Variants in AUTS2 observed in about 807,000 individuals in gnomAD.
The protein encoded by AUTS2 is activator of transcription and developmental regulator AUTS2.
AUTS2 carries 17 observed loss-of-function variants against 112.4 expected under a neutral mutation model. The observed-to-expected ratio is 0.15, with a 90% CI of 0.10 to 0.23. The LOEUF is 0.23. AUTS2 is among the 10% of genes least tolerant of loss of function. The pLI is 1.00. For missense variants in AUTS2, 1,510 were observed against 1,701.6 expected (o/e 0.89, Z 1.98); for synonymous variants, 751 against 702.7 (o/e 1.07, Z -1.09).
At position 70,793,178 on chromosome 7, in the gene AUTS2, G is replaced by A. The variant is rs148296321; in HGVS notation, c.*2182G>A. 200 of 151,964 alleles carry A rather than the reference G, an allele frequency of 1.3e-3. No individual in the cohort carries two copies. Among genetic ancestry groups the A allele is most frequent in the African/African-American group, 4.4e-3 (184 of 41,482 alleles). The allele number at this position is 151,964 out of a possible 1,614,324, so 9.4% of individuals were successfully genotyped here. A position where few individuals can be genotyped will look rare whatever the true frequency, so the allele number is the denominator to read the frequency against. On this transcript the variant is annotated 3_prime_UTR_variant, in exon 19 of 19. Coordinates refer to ENST00000342771, the MANE Select transcript of AUTS2 (RefSeq NM_015570.4). The stretch of plus-strand genomic sequence containing the variant: ...GATTTTGTAGACGTGTGTACAGTGT[G>A]GGCCACGTTAGCCAGTTGTTTGTGC...
intron 2 of AUTS2, among the ~76,000 whole-genome samples, chr7:70,023,281 C>T (rs921709727): frequency 2.6e-5 from 4 of 152,190 alleles, no homozygotes; most frequent in Middle Eastern, 3.2e-3. Flanking sequence ...TCATTAACAA[C>T]TTTCTTTAGC....
intron 2 of AUTS2, among the ~76,000 whole-genome samples, chr7:70,004,387 A>T (rs984172796): frequency 1.6e-4 from 17 of 107,626 alleles, no homozygotes; most frequent in African/African-American, 5.5e-4. Context: ...TATATATATT[A>T]TATATATGAA....
At chr7:69,895,263 G>GA (rs1044270978) in intron 1 of AUTS2, among the ~76,000 whole-genome samples, 1 of 152,074 alleles carries the variant, frequency 6.6e-6, no homozygotes, top group Non-Finnish European at 1.5e-5. Context: ...AAGACAGTCT[G>GA]AAAAAATTAA....
intron 4 of AUTS2, among the ~76,000 whole-genome samples, chr7:70,261,491 A>G (rs535734104): frequency 2.6e-4 from 39 of 152,326 alleles, no homozygotes; most frequent in African/African-American, 8.9e-4. Context: ...ATTATACCTC[A>G]AGTATAATGA....
intron 1 of AUTS2, among the ~76,000 whole-genome samples, chr7:69,831,495 C>G (rs1157441850): frequency 6.6e-6 from 1 of 152,134 alleles, no homozygotes; most frequent in African/African-American, 2.4e-5. Context: ...TTCTTGGACT[C>G]TGGCTACTTT....
intron 5 of AUTS2, among the ~76,000 whole-genome samples, chr7:70,494,295 T>C (rs1480040494): frequency 6.6e-6 from 1 of 152,150 alleles, no homozygotes; most frequent in Non-Finnish European, 1.5e-5. Context: ...ATTTTTTTTT[T>C]CAAAACTACA....
At chr7:69,608,888 G>C (rs896964604) in intron 1 of AUTS2, among the ~76,000 whole-genome samples, 3 of 152,168 alleles carry the variant, frequency 2.0e-5, no homozygotes, top group African/African-American at 7.2e-5. Flanking sequence ...TGGTCACTAT[G>C]ATTGCTTGAC....
At chr7:70,418,075 C>CTGTGTGTGTGTG (rs34869843) in intron 4 of AUTS2, among the ~76,000 whole-genome samples, 2,155 of 136,434 alleles carry the variant, frequency 0.016, 29 homozygotes, top group Non-Finnish European at 0.024. Flanking sequence ...GGCTAACTTT[C>CTGTGTGTGTGTG]TGTGTGTGTG....
intron 4 of AUTS2, among the ~76,000 whole-genome samples, chr7:70,363,674 C>G (rs774911067): frequency 6.6e-6 from 1 of 152,086 alleles, no homozygotes; most frequent in Admixed American, 6.5e-5. Context: ...TTTTTCACCC[C>G]TATGTTCTAC....
At chr7:69,958,748 TC>T (rs1171942736) in intron 2 of AUTS2, among the ~76,000 whole-genome samples, 1 of 152,116 alleles carries the variant, frequency 6.6e-6, no homozygotes, top group Non-Finnish European at 1.5e-5. Flanking sequence ...AGGCTCCACC[TC>T]CAAGGTGTCT....
chr7:69,656,147 C>T (rs950701295), intron 1 of AUTS2, among the ~76,000 whole-genome samples: 1 of 152,214 alleles, frequency 6.6e-6, no homozygotes, highest in Non-Finnish European at 1.5e-5. Context: ...TAATAATTTT[C>T]TTGGGGCCTG....
At chr7:69,823,623 T>C (rs572391100) in intron 1 of AUTS2, among the ~76,000 whole-genome samples, 1 of 152,306 alleles carries the variant, frequency 6.6e-6, no homozygotes, top group East Asian at 1.9e-4. Context: ...CAAAGTACTA[T>C]AGTTGTGCCG....
At chr7:70,685,836 A>G (rs1200100864) in intron 5 of AUTS2, among the ~76,000 whole-genome samples, 1 of 152,232 alleles carries the variant, frequency 6.6e-6, no homozygotes, top group African/African-American at 2.4e-5. Context: ...TGTTTCTAAC[A>G]TTGCCACTTA....
chr7:70,148,769 G>A (rs563941064), intron 4 of AUTS2, among the ~76,000 whole-genome samples: 2 of 152,118 alleles, frequency 1.3e-5, no homozygotes, highest in East Asian at 3.9e-4. Context: ...ACTTTACATG[G>A]CTGTGGTTAA....
chr7:70,104,941 C>T (rs1256475962), intron 2 of AUTS2, among the ~76,000 whole-genome samples: 1 of 152,110 alleles, frequency 6.6e-6, no homozygotes, highest in Non-Finnish European at 1.5e-5. Context: ...TTAAGATTAT[C>T]TTCGTGCATG....
At chr7:69,901,050 GT>G (rs1794950719) in intron 2 of AUTS2, among the ~76,000 whole-genome samples, 2 of 152,130 alleles carry the variant, frequency 1.3e-5, no homozygotes, top group Admixed American at 1.3e-4. Flanking sequence ...AGGAGCCAGG[GT>G]TTAGACCCAG....
At position 70,502,339 on chromosome 7, in the gene AUTS2, A is replaced by G. The variant is rs112262027; in HGVS notation, c.690+66558A>G. On this transcript the variant is annotated intron_variant, in intron 5 of 18. Coordinates refer to ENST00000342771, the MANE Select transcript of AUTS2 (RefSeq NM_015570.4). ...AAGATAGTAGCTCTTGTGTAAGAACACACTATCGACAGCAAATGGAAGATG... is the reference window on the plus strand; with the variant it reads ...AAGATAGTAGCTCTTGTGTAAGAACGCACTATCGACAGCAAATGGAAGATG... Among the ~76,000 whole-genome samples the G allele has an allele frequency of 4.7e-4, 72 of 152,348 alleles. 2 individuals carry two copies. The highest frequency in any genetic ancestry group is 1.7e-3 in the African/African-American group (72 of 41,582).
At chr7:70,566,446 G>A (rs895751120) in intron 5 of AUTS2, among the ~76,000 whole-genome samples, 2 of 152,160 alleles carry the variant, frequency 1.3e-5, no homozygotes, top group African/African-American at 4.8e-5. Flanking sequence ...ATTTTTATAT[G>A]TGTATAATCT....
chr7:70,298,922 C>T (rs1166613608), intron 4 of AUTS2, among the ~76,000 whole-genome samples: 4 of 152,246 alleles, frequency 2.6e-5, no homozygotes, highest in Non-Finnish European at 4.4e-5. Context: ...GTTTCACCCT[C>T]CCATTTAATG....
Sources: allele counts gnomAD v4.1 joint callset (sites outside exome capture counted in the v4.1 genomes callset), GRCh38; gene constraint gnomAD v4.1.1; transcripts MANE v1.5; gene names NCBI Gene and HGNC (gene_info 2026-07-23, HGNC 2026-07-21).